Variants in SLIT3 observed in about 807,000 individuals in gnomAD.
SLIT3 encodes the protein slit guidance ligand 3.
Under a neutral mutation model 184.0 loss-of-function variants are expected in SLIT3, and 68 were observed. The observed-to-expected ratio is 0.37, with a 90% CI of 0.30 to 0.45. SLIT3 has a LOEUF of 0.45. Ranked by LOEUF, SLIT3 falls within the 20% of genes least tolerant of loss-of-function variation. The pLI, the probability that SLIT3 is intolerant of heterozygous loss-of-function variation, is 1.00. For missense variants in SLIT3, 1,707 were observed against 2,026.0 expected (o/e 0.84, Z 3.02); for synonymous variants, 831 against 828.6 (o/e 1.00, Z -0.05).
intron 4 of SLIT3, among the ~76,000 whole-genome samples, chr5:169,141,402 A>G (rs1423203754): frequency 1.3e-5 from 2 of 149,326 alleles, no homozygotes; most frequent in Non-Finnish European, 3.0e-5. Flanking sequence ...AGACTGTAAG[A>G]TTTTTTTTTG....
At chr5:169,085,730 T>G (rs1759267750) in intron 4 of SLIT3, among the ~76,000 whole-genome samples, 1 of 152,218 alleles carries the variant, frequency 6.6e-6, no homozygotes, top group Non-Finnish European at 1.5e-5. Flanking sequence ...AGACATGCAA[T>G]GCCTACGCTC....
intron 4 of SLIT3, among the ~76,000 whole-genome samples, chr5:168,886,979 A>G (rs1411466972): frequency 6.6e-6 from 1 of 152,120 alleles, no homozygotes; most frequent in East Asian, 1.9e-4. Flanking sequence ...CACCTTTTTA[A>G]TTTACTAAAA....
chr5:168,991,977 G>A (rs1755347332), intron 4 of SLIT3, among the ~76,000 whole-genome samples: 1 of 152,240 alleles, frequency 6.6e-6, no homozygotes. Context: ...AATTTAAAAA[G>A]CAAAGTAAAC....
At chr5:169,293,611 T>C (rs902112673) in intron 1 of SLIT3, among the ~76,000 whole-genome samples, 1 of 152,182 alleles carries the variant, frequency 6.6e-6, no homozygotes, top group Admixed American at 6.5e-5. Context: ...AGTATTATTA[T>C]TATTCCCATT....
chr5:169,203,530 G>T (rs559272969), intron 3 of SLIT3, among the ~76,000 whole-genome samples: 17 of 152,042 alleles, frequency 1.1e-4, no homozygotes, highest in African/African-American at 3.9e-4. Flanking sequence ...CTCACAATGC[G>T]GCCAAGAAAG....
chr5:168,712,622 T>A, intron 23 of SLIT3: 1 of 431,582 alleles, frequency 2.3e-6, no homozygotes, highest in South Asian at 3.4e-5. Context: ...AACCAGTCTC[T>A]CTTAGCCGTG....
intron 4 of SLIT3, among the ~76,000 whole-genome samples, chr5:168,916,634 A>G (rs1761444851): frequency 6.6e-6 from 1 of 152,208 alleles, no homozygotes; most frequent in Admixed American, 6.5e-5. Context: ...TTTTTTCTTA[A>G]AAGCCAAGTT....
intron 16 of SLIT3, among the ~76,000 whole-genome samples, chr5:168,757,278 A>G (rs946178965): frequency 3.9e-5 from 6 of 152,220 alleles, no homozygotes; most frequent in African/African-American, 1.4e-4. Context: ...AAGTGCATTA[A>G]TATCTGTACT....
chr5:168,840,865 G>T (rs1331730404), intron 6 of SLIT3, among the ~76,000 whole-genome samples: 3 of 152,206 alleles, frequency 2.0e-5, no homozygotes, highest in African/African-American at 7.2e-5. Flanking sequence ...TATGGCAATG[G>T]CCACGAGTGG....
chr5:168,687,152 G>T (rs766930467), intron 29 of SLIT3, 36 bp from the exon 30 acceptor site: 2 of 1,602,528 alleles, frequency 1.2e-6, no homozygotes, highest in Middle Eastern at 1.7e-4. Flanking sequence ...GTTCCTCAAG[G>T]CAAAGCCAGC....
At chr5:169,149,189 C>T (rs1346049708) in intron 4 of SLIT3, among the ~76,000 whole-genome samples, 1 of 152,068 alleles carries the variant, frequency 6.6e-6, no homozygotes, top group Non-Finnish European at 1.5e-5. Context: ...AATTGCATGA[C>T]AAATTAAGAG....
chr5:169,058,520 T>C (rs966282770), intron 4 of SLIT3, among the ~76,000 whole-genome samples: 1 of 152,164 alleles, frequency 6.6e-6, no homozygotes, highest in Non-Finnish European at 1.5e-5. Flanking sequence ...ATATATGAGA[T>C]ATAGAAAAAA....
intron 14 of SLIT3, among the ~76,000 whole-genome samples, chr5:168,769,119 G>A (rs546159721): frequency 9.9e-5 from 15 of 152,238 alleles, no homozygotes; most frequent in African/African-American, 3.6e-4. Context: ...TGAATTCTGG[G>A]GTCCTTCTTG....
chr5:168,774,508 G>T, intron 12 of SLIT3, 130 bp from the exon 13 acceptor site: 3 of 999,574 alleles, frequency 3.0e-6, no homozygotes, highest in Non-Finnish European at 4.5e-6. Flanking sequence ...TCCTGCTGCA[G>T]AACAGAAAAA....
chr5:168,879,099 T>C (rs574720731), intron 5 of SLIT3, among the ~76,000 whole-genome samples: 2 of 152,236 alleles, frequency 1.3e-5, no homozygotes, highest in Non-Finnish European at 2.9e-5. Context: ...TTAAACCAGA[T>C]AGTTTTTTAT....
At chr5:169,258,035 T>C (rs1198733472) in intron 1 of SLIT3, among the ~76,000 whole-genome samples, 7 of 152,154 alleles carry the variant, frequency 4.6e-5, no homozygotes, top group Non-Finnish European at 2.9e-5. Context: ...AGCAACCATA[T>C]ATGGTAGGTA....
At chr5:169,284,973 C>A (rs1767108364) in intron 1 of SLIT3, among the ~76,000 whole-genome samples, 1 of 151,994 alleles carries the variant, frequency 6.6e-6, no homozygotes, top group South Asian at 2.1e-4. Context: ...TGCAGTGGTG[C>A]AATCATGGCT....
At chr5:169,148,637 C>T (rs568306237) in intron 4 of SLIT3, among the ~76,000 whole-genome samples, 14 of 152,266 alleles carry the variant, frequency 9.2e-5, no homozygotes, top group African/African-American at 2.9e-4. Context: ...CTGTGGCTGT[C>T]GTCATCTCGC....
intron 28 of SLIT3, 29 bp downstream of exon 28, chr5:168,696,263 C>T: frequency 1.9e-6 from 3 of 1,613,722 alleles, no homozygotes; most frequent in Non-Finnish European, 2.5e-6. Context: ...CCCTCCACCC[C>T]ACCATACATA....
Sources: allele counts gnomAD v4.1 joint callset (sites outside exome capture counted in the v4.1 genomes callset), GRCh38; gene constraint gnomAD v4.1.1; transcripts MANE v1.5; gene names NCBI Gene and HGNC (gene_info 2026-07-23, HGNC 2026-07-21).